Variants in ICA1L observed in about 807,000 individuals in gnomAD.
ICA1L encodes the protein islet cell autoantigen 1 like.
Under a neutral mutation model 61.3 loss-of-function variants are expected in ICA1L, and 50 were observed. The ratio of observed to expected loss-of-function variants is 0.82; its 90% CI spans 0.65 to 1.03. The LOEUF (loss-of-function observed/expected upper bound fraction) is 1.03. ICA1L is among the 50% of genes least tolerant of loss of function. The pLI, the probability that ICA1L is intolerant of heterozygous loss-of-function variation, is 0.00. For synonymous variants in ICA1L, 161 were observed against 191.3 expected (o/e 0.84, Z 1.31); for missense variants, 508 against 556.7 (o/e 0.91, Z 0.88).
At chr2:202,854,352 T>C (rs1188470732) in intron 1 of ICA1L, among the ~76,000 whole-genome samples, 2 of 152,114 alleles carry the variant, frequency 1.3e-5, no homozygotes, top group African/African-American at 2.4e-5. Flanking sequence ...CTATCCTAAA[T>C]ATATATGCAC....
At chr2:202,790,400 C>T (rs577987867) in intron 10 of ICA1L, among the ~76,000 whole-genome samples, 11 of 152,176 alleles carry the variant, frequency 7.2e-5, no homozygotes, top group African/African-American at 2.6e-4. Flanking sequence ...AGAAAATCTA[C>T]TATAATTTAG....
At chr2:202,841,242 T>C in intron 1 of ICA1L, 1 of 722,988 alleles carries the variant, frequency 1.4e-6, no homozygotes, top group Non-Finnish European at 2.5e-6. Context: ...GATCTCATCC[T>C]CATATTTGTT....
intron 1 of ICA1L, among the ~76,000 whole-genome samples, chr2:202,868,304 A>C (rs1041980867): frequency 2.0e-5 from 3 of 152,266 alleles, no homozygotes; most frequent in Admixed American, 6.5e-5. Context: ...GTAATAGCTT[A>C]AATGACAAAG....
At chr2:202,847,713 A>ATATATATATATATATATATATATAT (rs1242055604) in intron 1 of ICA1L, among the ~76,000 whole-genome samples, 17 of 147,444 alleles carry the variant, frequency 1.2e-4, no homozygotes, top group East Asian at 1.9e-4. Flanking sequence ...ATATATAGTT[A>ATATATATATATATATATATATATAT]AGCAGTGAGA....
At chr2:202,820,773 T>A (rs1693678927) in intron 4 of ICA1L, among the ~76,000 whole-genome samples, 1 of 152,224 alleles carries the variant, frequency 6.6e-6, no homozygotes, top group African/African-American at 2.4e-5. Flanking sequence ...TGATGTGATG[T>A]TTCAGAATAA....
chr2:202,779,334 A>T lies in ICA1L; in HGVS notation c.*199T>A, dbSNP rs1427461602. 6.8e-6 allele frequency: 3 copies of T among 440,722 alleles called. No homozygotes were observed. The Admixed American group carries it at 1.2e-4, about 17-fold the overall frequency. 27.3% of individuals were successfully genotyped at this position (440,722 alleles called of 1,614,324 possible). A position where few individuals can be genotyped will look rare whatever the true frequency, so the allele number is the denominator to read the frequency against. On this transcript the variant is annotated 3_prime_UTR_variant, in exon 13 of 13. Transcript: ENST00000358299. ...TTTCTAATATTTTCCACATAGTACC[A>T]ACAGCTGCAAATCCAAGATATGAAA...
At chr2:202,852,018 C>G (rs1455929328) in intron 1 of ICA1L, among the ~76,000 whole-genome samples, 1 of 152,088 alleles carries the variant, frequency 6.6e-6, no homozygotes, top group Admixed American at 6.6e-5. Context: ...TAATTAGATC[C>G]CATTTGTCAA....
chr2:202,796,050 A>G (rs1692916900), intron 10 of ICA1L, among the ~76,000 whole-genome samples: 1 of 149,174 alleles, frequency 6.7e-6, no homozygotes, highest in Non-Finnish European at 1.5e-5. Flanking sequence ...AAAAAAAAAA[A>G]AAGTATATAA....
chr2:202,837,072 C>A (rs1164657390), intron 1 of ICA1L, among the ~76,000 whole-genome samples: 2 of 151,976 alleles, frequency 1.3e-5, no homozygotes, highest in Non-Finnish European at 2.9e-5. Flanking sequence ...AAACTCCTGA[C>A]CTCAAGTGAT....
chr2:202,858,777 G>C (rs10170010), intron 1 of ICA1L, among the ~76,000 whole-genome samples: 63,076 of 152,008 alleles, frequency 0.41, 14,156 homozygotes, highest in East Asian at 0.62. Flanking sequence ...TTACAGTTGC[G>C]TACGGTATTC....
intron 9 of ICA1L, among the ~76,000 whole-genome samples, chr2:202,807,157 C>T (rs1366314749): frequency 2.6e-5 from 4 of 152,146 alleles, no homozygotes; most frequent in African/African-American, 2.4e-5. Context: ...AACCAAACAT[C>T]GGGTGAGAGA....
chr2:202,864,757 G>A (rs1448151324), intron 1 of ICA1L, among the ~76,000 whole-genome samples: 3 of 152,054 alleles, frequency 2.0e-5, no homozygotes, highest in African/African-American at 7.2e-5. Flanking sequence ...GGTGGCTCAC[G>A]CCAGTAATCC....
intron 9 of ICA1L, among the ~76,000 whole-genome samples, chr2:202,806,053 G>T (rs1693215128): frequency 6.6e-6 from 1 of 152,122 alleles, no homozygotes; most frequent in East Asian, 1.9e-4. Context: ...CCTCGGCCAG[G>T]CACTGTGGCT....
At chr2:202,855,686 C>CA (rs1040475499) in intron 1 of ICA1L, among the ~76,000 whole-genome samples, 3 of 151,798 alleles carry the variant, frequency 2.0e-5, no homozygotes, top group Non-Finnish European at 2.9e-5. Context: ...GCCTACCAAC[C>CA]AAAAAAAGCC....
intron 9 of ICA1L, among the ~76,000 whole-genome samples, chr2:202,798,821 AC>A (rs1201066780): frequency 1.3e-5 from 2 of 151,936 alleles, no homozygotes; most frequent in East Asian, 3.9e-4. Flanking sequence ...TCTACTCTCT[AC>A]CTGAATGTGA....
intron 9 of ICA1L, among the ~76,000 whole-genome samples, chr2:202,808,171 T>TG (rs1693276664): frequency 6.6e-6 from 1 of 152,186 alleles, no homozygotes; most frequent in South Asian, 2.1e-4. Flanking sequence ...AGAAGTCACC[T>TG]GGGGTAGTCA....
At chr2:202,869,572 T>A (rs941001440) in intron 1 of ICA1L, 2 of 152,192 alleles carry the variant, frequency 1.3e-5, no homozygotes, top group Non-Finnish European at 2.9e-5. Flanking sequence ...TTCAGCTTTA[T>A]TGGAAATGTT....
At chr2:202,848,271 T>C (rs552714943) in intron 1 of ICA1L, among the ~76,000 whole-genome samples, 1 of 152,316 alleles carries the variant, frequency 6.6e-6, no homozygotes, top group African/African-American at 2.4e-5. Context: ...CCAAACAGCA[T>C]ATTTTTAAAC....
chr2:202,852,772 T>C (rs1020659525), intron 1 of ICA1L, among the ~76,000 whole-genome samples: 1 of 150,844 alleles, frequency 6.6e-6, no homozygotes, highest in African/African-American at 2.4e-5. Flanking sequence ...CTAACTGGTG[T>C]GAGATGGTAT....
Sources: allele counts gnomAD v4.1 joint callset (sites outside exome capture counted in the v4.1 genomes callset), GRCh38; gene constraint gnomAD v4.1.1; transcripts MANE v1.5; gene names NCBI Gene and HGNC (gene_info 2026-07-23, HGNC 2026-07-21).